The following MINDY3 variants were observed in gnomAD, a reference collection of about 807,000 sequenced individuals.
The protein encoded by MINDY3 is ubiquitin carboxyl-terminal hydrolase MINDY-3.
MINDY3 carries 38 observed loss-of-function variants against 69.2 expected under a neutral mutation model. The observed-to-expected ratio is 0.55, with a 90% CI of 0.42 to 0.72. The LOEUF is 0.72. MINDY3 is among the 30% of genes least tolerant of loss of function. The probability of loss-of-function intolerance (pLI) is 0.00; values close to 1 mark genes in which losing one functional copy is unlikely to be tolerated. For missense variants in MINDY3, 522 were observed against 519.0 expected (o/e 1.01, Z -0.06); for synonymous variants, 192 against 180.1 (o/e 1.07, Z -0.53).
At chr10:15,839,637 A>C (rs1833324395) in intron 4 of MINDY3, among the ~76,000 whole-genome samples, 1 of 151,626 alleles carries the variant, frequency 6.6e-6, no homozygotes, top group South Asian at 2.1e-4. Context: ...ATGGTGAAAA[A>C]ATATAAAACA....
chr10:15,805,655 G>A (rs763167782), intron 10 of MINDY3, among the ~76,000 whole-genome samples: 33 of 152,126 alleles, frequency 2.2e-4, no homozygotes, highest in Non-Finnish European at 3.5e-4. Context: ...TTGCCTCATT[G>A]ACATCAGATT....
At chr10:15,848,548 G>A (rs1834015840) in intron 1 of MINDY3, among the ~76,000 whole-genome samples, 2 of 143,812 alleles carry the variant, frequency 1.4e-5, no homozygotes, top group Admixed American at 1.4e-4. Context: ...GCCGAAGAAT[G>A]GCGTGAACCT....
At chr10:15,786,486 G>T (rs1836972759) in intron 13 of MINDY3, 75 bp downstream of exon 13, 1 of 932,338 alleles carries the variant, frequency 1.1e-6, no homozygotes, top group Non-Finnish European at 1.7e-6. Context: ...TGTACAGAAA[G>T]AGAAAATGCT....
intron 1 of MINDY3, among the ~76,000 whole-genome samples, chr10:15,853,115 A>G (rs1181736799): frequency 6.6e-6 from 1 of 152,154 alleles, no homozygotes; most frequent in Non-Finnish European, 1.5e-5. Context: ...TAAGTTTGGC[A>G]GAAGGGAAAA....
chr10:15,782,593 A>G (rs1311048782), intron 13 of MINDY3, among the ~76,000 whole-genome samples: 1 of 152,192 alleles, frequency 6.6e-6, no homozygotes, highest in Non-Finnish European at 1.5e-5. Context: ...CTCTCAATGA[A>G]TTGAGAAAAG....
At chr10:15,789,493 A>G (rs1837250676) in intron 11 of MINDY3, among the ~76,000 whole-genome samples, 174 bp from the exon 12 acceptor site, 4 of 152,100 alleles carry the variant, frequency 2.6e-5, no homozygotes, top group Admixed American at 2.6e-4. Context: ...ACCCTCTTCT[A>G]TTTGTTTTCT....
intron 1 of MINDY3, among the ~76,000 whole-genome samples, chr10:15,856,568 C>T (rs144259156): frequency 2.0e-5 from 3 of 152,166 alleles, no homozygotes; most frequent in Admixed American, 2.0e-4. Context: ...CTCCCTCAGG[C>T]GTCAGCAAAC....
In MINDY3 at chr10:15,833,682, C is replaced by T. The variant is rs563431292; in HGVS notation, c.678G>A (p.Thr226=). 2.5e-5 allele frequency: 41 copies of T among 1,610,278 alleles called. No individual in the cohort carries two copies. The highest frequency in any genetic ancestry group is 3.2e-5 in the Non-Finnish European group (38 of 1,177,064). ...CCCATACATTAGAAACAGCATGTCC[C>T]GTCAGCAGGAGATTAATTAAACTTT... ...GSQSLINLLL[T]GHAVSNVWDG... Residue 226 remains threonine, a synonymous_variant, in exon 8 of 15, where the codon ACG becomes ACA. Transcript: ENST00000277632.
In MINDY3 at chr10:15,833,303, A is replaced by G. The variant is rs571680070; in HGVS notation, c.730+327T>C. 3.9e-5 allele frequency among the ~76,000 whole-genome samples: 6 copies of G among 152,352 alleles called. No homozygotes were observed. The South Asian group carries it at 1.2e-3, about 32-fold the overall frequency. ...GGCTTTGTAATGCTCCATTTTAAGC[A>G]AAGAGTGCAGTAATATCTCTGAATA... On this transcript the variant is annotated intron_variant, in intron 8 of 14. Transcript: ENST00000277632.
intron 10 of MINDY3, among the ~76,000 whole-genome samples, chr10:15,805,663 A>G (rs1838588929): frequency 6.6e-6 from 1 of 152,170 alleles, no homozygotes; most frequent in Non-Finnish European, 1.5e-5. Context: ...TTGACATCAG[A>G]TTCAGCCAGA....
intron 8 of MINDY3, among the ~76,000 whole-genome samples, chr10:15,829,270 A>G (rs1840298567): frequency 6.6e-6 from 1 of 152,184 alleles, no homozygotes; most frequent in Non-Finnish European, 1.5e-5. Flanking sequence ...TTTTGGGGAA[A>G]GTACCATTGT....
chr10:15,791,789 A>G (rs975152078), intron 11 of MINDY3, among the ~76,000 whole-genome samples: 1 of 152,150 alleles, frequency 6.6e-6, no homozygotes, highest in African/African-American at 2.4e-5. Context: ...CCTGGATAAG[A>G]TAACTATTTC....
At chr10:15,830,447 G>A (rs562561549) in intron 8 of MINDY3, among the ~76,000 whole-genome samples, 25 of 152,264 alleles carry the variant, frequency 1.6e-4, no homozygotes, top group Non-Finnish European at 2.5e-4. Context: ...AATAAATGGC[G>A]CAACTGAGAT....
intron 11 of MINDY3, among the ~76,000 whole-genome samples, chr10:15,791,234 A>G (rs1451909528): frequency 6.6e-6 from 1 of 152,072 alleles, no homozygotes; most frequent in Non-Finnish European, 1.5e-5. Flanking sequence ...TCCTTTGTAG[A>G]AGACTTACTT....
chr10:15,818,446 GAC>G lies in MINDY3; in HGVS notation c.802-1533_802-1532del, dbSNP rs535434174. 2.0e-5 allele frequency among the ~76,000 whole-genome samples: 3 copies of G among 152,190 alleles called. No individual in the cohort carries two copies. The South Asian group carries it at 6.2e-4, about 32-fold the overall frequency. On this transcript the variant is annotated intron_variant, in intron 9 of 14. Coordinates refer to ENST00000277632, the MANE Select transcript of MINDY3 (RefSeq NM_024948.4). ...GTGTCATCACTTTGGACAACAGTTT[GAC>G]ACTTCCTCAGAAAGTTAAAAATAGA...
At chr10:15,814,163 C>A (rs1839198995) in intron 10 of MINDY3, among the ~76,000 whole-genome samples, 1 of 152,014 alleles carries the variant, frequency 6.6e-6, no homozygotes, top group Non-Finnish European at 1.5e-5. Flanking sequence ...TTTAACAAAT[C>A]TAAAACAGGA....
intron 11 of MINDY3, among the ~76,000 whole-genome samples, chr10:15,793,518 A>G (rs1837575752): frequency 6.6e-6 from 1 of 152,298 alleles, no homozygotes; most frequent in Admixed American, 6.5e-5. Flanking sequence ...AAGCGAGAAT[A>G]TCAAATCCTT....
At position 15,841,535 on chromosome 10, in the gene MINDY3, G is replaced by T; in HGVS notation, c.300C>A (p.Asp100Glu). 6.2e-7 allele frequency: 1 copy of T among 1,611,430 alleles called. No individual in the cohort carries two copies. The highest frequency in any genetic ancestry group is 8.5e-7 in the Non-Finnish European group (1 of 1,178,260). The change falls in exon 4 of 15, where the codon GAC becomes GAA. Residue 100 changes from aspartate to glutamate, a missense_variant. Coordinates refer to ENST00000277632, the MANE Select transcript of MINDY3 (RefSeq NM_024948.4). The part of the protein sequence containing the change: ...LCDILESACC[D>E]HSGSYCLVSW... ...AAACCAAGCAGTATGATCCAGAGTG[G>T]TCACAACAAGCACTTTCTAAAATAT...
At chr10:15,848,781 C>A (rs936497956) in intron 1 of MINDY3, among the ~76,000 whole-genome samples, 1 of 152,094 alleles carries the variant, frequency 6.6e-6, no homozygotes, top group Non-Finnish European at 1.5e-5. Flanking sequence ...TTCAGATGGC[C>A]CTGGGTCAGA....
Sources: gnomAD v4.1 joint callset for allele counts (sites outside exome capture counted in the v4.1 genomes callset) on GRCh38, gnomAD v4.1.1 for gene constraint, MANE v1.5 for transcripts, NCBI Gene and HGNC (gene_info 2026-07-23, HGNC 2026-07-21) for gene names.